The following EPAS1 variants were observed in gnomAD, a reference collection of about 807,000 sequenced individuals.
EPAS1 encodes the protein endothelial PAS domain protein 1, also known as endothelial PAS domain-containing protein 1.
In EPAS1, 23 loss-of-function variants were observed where a neutral mutation model predicts 87.9. The ratio of observed to expected loss-of-function variants is 0.26; its 90% CI spans 0.19 to 0.37. The LOEUF is 0.37. EPAS1 is among the 10% of genes least tolerant of loss of function. EPAS1 has a pLI of 1.00. For synonymous variants in EPAS1, 508 were observed against 444.3 expected (o/e 1.14, Z -1.80); for missense variants, 1,138 against 1,120.7 (o/e 1.02, Z -0.22).
Position 46,314,891 on chromosome 2 carries a change from G to T in EPAS1, c.26+16954G>T, listed in dbSNP as rs150894964. ...AGGAGGTGGGCTGGGGTACGAGAAG[G>T]TGGGCTGCCCAGTGGTTTCTACAAA... On this transcript the variant is annotated intron_variant, in intron 1 of 15. Transcript: ENST00000263734. 2.0e-5 allele frequency among the ~76,000 whole-genome samples: 3 copies of T among 152,342 alleles called. No homozygotes were observed. The East Asian group carries it at 5.8e-4, about 29-fold the overall frequency.
At chr2:46,355,575 T>G (rs1307988510) in intron 2 of EPAS1, among the ~76,000 whole-genome samples, 1 of 152,248 alleles carries the variant, frequency 6.6e-6, no homozygotes, top group African/African-American at 2.4e-5. Context: ...ACCTTTCATG[T>G]AGTAATTGCA....
chr2:46,383,252 G>C (rs1041980302), intron 15 of EPAS1, among the ~76,000 whole-genome samples: 4 of 152,212 alleles, frequency 2.6e-5, no homozygotes, highest in Non-Finnish European at 5.9e-5. Context: ...GGCAGGTGCT[G>C]AGAACATGCC....
chr2:46,322,935 A>G (rs1298572556), intron 1 of EPAS1, among the ~76,000 whole-genome samples: 1 of 152,236 alleles, frequency 6.6e-6, no homozygotes, highest in Admixed American at 6.5e-5. Context: ...TGGGAGCTGA[A>G]GTTTGCAATT....
intron 1 of EPAS1, among the ~76,000 whole-genome samples, chr2:46,309,837 G>C (rs1683177185): frequency 6.6e-6 from 1 of 152,144 alleles, no homozygotes; most frequent in Admixed American, 6.5e-5. Flanking sequence ...GAATCTTTGG[G>C]TTGCCTTGGG....
In EPAS1 at chr2:46,361,108, T is replaced by C. The variant is rs766540191; in HGVS notation, c.779+18T>C. ...GATGACAGGTAGGGGGCCATGGGTG[T>C]GTATGCTGTGGGCAGAGATGGGTCT... On this transcript the variant is annotated intron_variant, in intron 6 of 15. Transcript: ENST00000263734. The C allele has an allele frequency of 3.1e-6, 5 of 1,613,232 alleles. No homozygotes were observed. Among genetic ancestry groups the C allele is most frequent in the Admixed American group, 3.3e-5 (2 of 59,936 alleles).
At position 46,370,342 on chromosome 2, in the gene EPAS1, C is replaced by T. The variant is rs1453442323; in HGVS notation, c.886+409C>T. Among the ~76,000 whole-genome samples the T allele has an allele frequency of 2.0e-5, 3 of 152,354 alleles. No homozygotes were observed. The East Asian group carries it at 5.8e-4, about 29-fold the overall frequency. On this transcript the variant is annotated intron_variant, in intron 7 of 15. Coordinates refer to ENST00000263734, the MANE Select transcript of EPAS1 (RefSeq NM_001430.5). The stretch of plus-strand genomic sequence containing the variant: ...TGCATGCTATAGATTCAAGTACATA[C>T]ATTCACAGAAGAGGAGGGCAGGGGG...
intron 1 of EPAS1, among the ~76,000 whole-genome samples, chr2:46,328,190 T>C (rs953780119): frequency 2.6e-4 from 39 of 152,030 alleles, no homozygotes; most frequent in African/African-American, 8.0e-4. Flanking sequence ...GTGTAGACAG[T>C]AAGTGAGGTC....
At chr2:46,318,046 T>A (rs1312778543) in intron 1 of EPAS1, among the ~76,000 whole-genome samples, 1 of 152,210 alleles carries the variant, frequency 6.6e-6, no homozygotes, top group Non-Finnish European at 1.5e-5. Flanking sequence ...CCTTAACTTT[T>A]GATTTAAAGT....
In EPAS1 at chr2:46,303,004, C is replaced by T. The variant is rs539739375; in HGVS notation, c.26+5067C>T. On this transcript the variant is annotated intron_variant, in intron 1 of 15. Transcript: ENST00000263734. ...AGGAGAATCGCTTGAACCCGGGAGGCGGAGGTTGCAGTGAGCCGAGATCGT... is the reference window on the plus strand; with the variant it reads ...AGGAGAATCGCTTGAACCCGGGAGGTGGAGGTTGCAGTGAGCCGAGATCGT... 1.1e-4 allele frequency among the ~76,000 whole-genome samples: 17 copies of T among 152,166 alleles called. No individual in the cohort carries two copies. The South Asian group carries it at 2.3e-3, about 20-fold the overall frequency.
chr2:46,330,787 T>C (rs1412585674), intron 1 of EPAS1, among the ~76,000 whole-genome samples: 1 of 152,238 alleles, frequency 6.6e-6, no homozygotes, highest in Non-Finnish European at 1.5e-5. Flanking sequence ...TCAGCCCCTG[T>C]TGGCAAGACC....
In EPAS1 at chr2:46,375,497, A is replaced by T; in HGVS notation, c.887-193A>T. 3 of 660,168 alleles carry T rather than the reference A, an allele frequency of 4.5e-6. No homozygotes were observed. The highest frequency in any genetic ancestry group is 2.5e-5 in the Admixed American group (1 of 40,066). The allele number at this position is 660,168 out of a possible 1,614,324, so 40.9% of individuals were successfully genotyped here. A position where few individuals can be genotyped will look rare whatever the true frequency, so the allele number is the denominator to read the frequency against. Reference sequence around the variant, plus strand: ...ACCTCTTCTCACCTCTTTTTCCTATATTTAAAATGAAGAGTTGGCTGAGGT... The same window carrying T: ...ACCTCTTCTCACCTCTTTTTCCTATTTTTAAAATGAAGAGTTGGCTGAGGT... On this transcript the variant is annotated intron_variant, in intron 7 of 15. Transcript: ENST00000263734. The surrounding 1 kb of genome is among the most constrained non-coding windows in gnomAD (Gnocchi z 4.1).
intron 11 of EPAS1, chr2:46,379,646 A>G (rs1684840539): frequency 1.6e-5 from 1 of 63,442 alleles, no homozygotes; most frequent in Non-Finnish European, 5.1e-5. Flanking sequence ...TGCTTGTATC[A>G]TGCGTCCGTC....
At position 46,382,423 on chromosome 2, in the gene EPAS1, A is replaced by G; in HGVS notation, c.2288-2A>G. 1 of 1,614,086 alleles carries G rather than the reference A, an allele frequency of 6.2e-7. No homozygotes were observed. Among genetic ancestry groups the G allele is most frequent in the Non-Finnish European group, 8.5e-7 (1 of 1,180,018 alleles). ...CGTCACTCTCTGACTTTGGTCTTTC[A>G]GATAAGTTCACCCAAAACCCCATGA... On this transcript the variant is annotated splice_acceptor_variant, in intron 14 of 15. Transcript: ENST00000263734. LOFTEE classifies it high-confidence loss of function.
intron 1 of EPAS1, among the ~76,000 whole-genome samples, chr2:46,343,748 T>G (rs554433981): frequency 6.6e-6 from 1 of 152,386 alleles, no homozygotes; most frequent in South Asian, 2.1e-4. Flanking sequence ...GCTGTTTCTT[T>G]ATTTCTTGCC....
chr2:46,361,548 A>G (rs1233158808), intron 6 of EPAS1, among the ~76,000 whole-genome samples: 1 of 152,098 alleles, frequency 6.6e-6, no homozygotes, highest in African/African-American at 2.4e-5. Flanking sequence ...TCCTTCCTGC[A>G]TGCAACTCCA....
At chr2:46,318,743 G>T (rs566809420) in intron 1 of EPAS1, among the ~76,000 whole-genome samples, 1 of 152,112 alleles carries the variant, frequency 6.6e-6, no homozygotes, top group Admixed American at 6.5e-5. Flanking sequence ...TTCACATGAC[G>T]TGTCTTCCCT....
chr2:46,357,407 C>T (rs1004210055), intron 4 of EPAS1, among the ~76,000 whole-genome samples: 1 of 152,194 alleles, frequency 6.6e-6, no homozygotes, highest in African/African-American at 2.4e-5. Context: ...GGACTGTTCT[C>T]TCACTCTATG....
chr2:46,376,397 T>C (rs544884787), intron 8 of EPAS1, 142 bp from the exon 9 acceptor site: 2 of 794,776 alleles, frequency 2.5e-6, no homozygotes, highest in East Asian at 2.4e-5. Flanking sequence ...TTCTATTGTA[T>C]GGTTCTTTAT....
intron 1 of EPAS1, among the ~76,000 whole-genome samples, chr2:46,302,486 AC>A (rs1683028057): frequency 6.6e-6 from 1 of 151,950 alleles, no homozygotes; most frequent in African/African-American, 2.4e-5. Flanking sequence ...TCTAGCTTTT[AC>A]CAATATTGTC....
Sources: gnomAD v4.1 joint callset for allele counts (sites outside exome capture counted in the v4.1 genomes callset) on GRCh38, gnomAD v4.1.1 for gene constraint, Gnocchi (gnomAD v3.1) non-coding constraint, MANE v1.5 for transcripts, NCBI Gene and HGNC (gene_info 2026-07-23, HGNC 2026-07-21) for gene names.